The following SLC44A5 variants were observed in gnomAD, a reference collection of about 807,000 sequenced individuals.
SLC44A5 encodes the protein solute carrier family 44 member 5.
Under a neutral mutation model 101.8 loss-of-function variants are expected in SLC44A5, and 57 were observed. The ratio of observed to expected loss-of-function variants is 0.56; its 90% CI spans 0.45 to 0.70. SLC44A5 has a LOEUF of 0.70. SLC44A5 is among the 30% of genes least tolerant of loss of function. The pLI is 0.00. For missense variants in SLC44A5, 737 were observed against 853.1 expected, an observed-to-expected ratio of 0.86 and a Z score of 1.70; for synonymous variants, 281 against 290.9, an observed-to-expected ratio of 0.97 and a Z score of 0.35.
chr1:75,655,308 T>C, the SLC44A5 span, among the ~76,000 whole-genome samples: 3 of 152,058 alleles, frequency 2.0e-5, no homozygotes, highest in Non-Finnish European at 2.9e-5. Context: ...AGTTAAAAAA[T>C]AAATAAATAA....
intron 6 of SLC44A5, among the ~76,000 whole-genome samples, chr1:75,273,609 C>CT (rs1384134030): frequency 2.6e-5 from 4 of 152,006 alleles, no homozygotes; most frequent in African/African-American, 9.7e-5. Context: ...TTATCAAATG[C>CT]TTTTTCTGCA....
chr1:75,491,708 TACAC>T (rs1020961661), intron 2 of SLC44A5, among the ~76,000 whole-genome samples: 4 of 150,776 alleles, frequency 2.7e-5, no homozygotes, highest in East Asian at 3.9e-4. Context: ...TGTGCATACA[TACAC>T]ACACAAGCAC....
At chr1:75,476,107 C>T (rs937113003) in intron 2 of SLC44A5, among the ~76,000 whole-genome samples, 18 of 151,860 alleles carry the variant, frequency 1.2e-4, no homozygotes, top group African/African-American at 2.9e-4. Context: ...CGCTTGAACC[C>T]GGGAGGCAGA....
chr1:75,618,833 G>A, the SLC44A5 span, among the ~76,000 whole-genome samples: 1 of 152,140 alleles, frequency 6.6e-6, no homozygotes, highest in Non-Finnish European at 1.5e-5. Flanking sequence ...ACTTTGGGAG[G>A]CTGAGATGGG....
At chr1:75,703,493 G>A in the SLC44A5 span, among the ~76,000 whole-genome samples, 40 of 151,190 alleles carry the variant, frequency 2.6e-4, no homozygotes, top group South Asian at 1.1e-3. Flanking sequence ...GGGGAACATC[G>A]CACAGCGGGG....
the SLC44A5 span, among the ~76,000 whole-genome samples, chr1:75,715,900 A>T: frequency 6.6e-6 from 1 of 152,240 alleles, no homozygotes; most frequent in South Asian, 2.1e-4. Flanking sequence ...CAAAGATCTA[A>T]TATAAAATAT....
At chr1:75,590,149 C>A (rs1557939890) in intron 1 of SLC44A5, among the ~76,000 whole-genome samples, 1 of 151,722 alleles carries the variant, frequency 6.6e-6, no homozygotes, top group Non-Finnish European at 1.5e-5. Flanking sequence ...CAGCTCTGGG[C>A]TCAAAAAGAG....
In SLC44A5 at chr1:75,573,252, G is replaced by A. The variant is rs141116479; in HGVS notation, c.-69-31736C>T. Among the ~76,000 whole-genome samples, 294 of 151,786 alleles carry A rather than the reference G, an allele frequency of 1.9e-3. 1 individual carries two copies. The highest frequency in any genetic ancestry group is 6.7e-3 in the African/African-American group (276 of 41,372). On this transcript the variant is annotated intron_variant, in intron 1 of 23. Coordinates refer to ENST00000370859, the MANE Select transcript of SLC44A5 (RefSeq NM_001130058.2). Reference sequence around the variant, plus strand: ...CCAGCTACTCAGGAGGCTGGGGCAGGAGAATCGCTTGAACCCGGGAGGCAG... The same window carrying A: ...CCAGCTACTCAGGAGGCTGGGGCAGAAGAATCGCTTGAACCCGGGAGGCAG...
At chr1:75,433,846 G>C (rs754975997) in intron 2 of SLC44A5, among the ~76,000 whole-genome samples, 2 of 152,116 alleles carry the variant, frequency 1.3e-5, no homozygotes, top group Non-Finnish European at 2.9e-5. Context: ...CATGGCTGAG[G>C]AGGCTTCACA....
chr1:75,673,196 C>T, the SLC44A5 span, among the ~76,000 whole-genome samples: 1 of 151,952 alleles, frequency 6.6e-6, no homozygotes, highest in African/African-American at 2.4e-5. Context: ...TTTTCTAAAC[C>T]TGCCCTGTGC....
chr1:75,582,549 A>G, intron 1 of SLC44A5: 1 of 494,996 alleles, frequency 2.0e-6, no homozygotes, highest in Non-Finnish European at 3.6e-6. Flanking sequence ...GCCACTACAA[A>G]GGGTTCAAAG....
At chr1:75,262,805 C>G (rs1390999474) in intron 6 of SLC44A5, among the ~76,000 whole-genome samples, 2 of 152,074 alleles carry the variant, frequency 1.3e-5, no homozygotes, top group Non-Finnish European at 2.9e-5. Context: ...TGGAACAGAA[C>G]AAAGGCCTCA....
At chr1:75,689,412 C>A in the SLC44A5 span, among the ~76,000 whole-genome samples, 1 of 152,130 alleles carries the variant, frequency 6.6e-6, no homozygotes, top group Non-Finnish European at 1.5e-5. Flanking sequence ...AGGAGGCTGT[C>A]TTAAAGGGGG....
chr1:75,308,665 G>T (rs1037011259), intron 4 of SLC44A5, among the ~76,000 whole-genome samples: 9 of 152,154 alleles, frequency 5.9e-5, no homozygotes. Context: ...GCTCTAGATA[G>T]CTTTGGGACA....
chr1:75,211,774 T>TG (rs1047718708), intron 22 of SLC44A5, among the ~76,000 whole-genome samples: 2 of 151,968 alleles, frequency 1.3e-5, no homozygotes, highest in East Asian at 1.9e-4. Context: ...TTCCCTTTTT[T>TG]GGGGGGTACT....
chr1:75,537,033 A>AAAAAATATATATATATATAT (rs35829590), intron 2 of SLC44A5, among the ~76,000 whole-genome samples: 2 of 43,022 alleles, frequency 4.6e-5, no homozygotes, highest in Non-Finnish European at 5.8e-5. Context: ...AAAAAAAAAA[A>AAAAAATATATATATATATAT]ATATATATCT....
chr1:75,499,448 T>G (rs1668838404), intron 2 of SLC44A5, among the ~76,000 whole-genome samples: 1 of 152,240 alleles, frequency 6.6e-6, no homozygotes, highest in Non-Finnish European at 1.5e-5. Context: ...ACTCACCTCC[T>G]GCTGTGTGGC....
chr1:75,398,613 C>G (rs151127321), intron 2 of SLC44A5, among the ~76,000 whole-genome samples: 3 of 152,188 alleles, frequency 2.0e-5, no homozygotes, highest in African/African-American at 7.2e-5. Flanking sequence ...ACAAAGCAAA[C>G]AAAGAAAGCA....
intron 2 of SLC44A5, among the ~76,000 whole-genome samples, chr1:75,400,911 G>T (rs941316419): frequency 6.6e-6 from 1 of 152,160 alleles, no homozygotes; most frequent in Non-Finnish European, 1.5e-5. Context: ...TGCCAAATTG[G>T]ATTCTTTTTG....
Sources: gnomAD v4.1 joint callset for allele counts (sites outside exome capture counted in the v4.1 genomes callset) on GRCh38, gnomAD v4.1.1 for gene constraint, MANE v1.5 for transcripts, NCBI Gene and HGNC (gene_info 2026-07-23, HGNC 2026-07-21) for gene names.